The following BICDL1 variants were observed in gnomAD, a reference collection of about 807,000 sequenced individuals.
BICDL1 encodes the protein BICD family like cargo adaptor 1, also known as BICD family-like cargo adapter 1.
Under a neutral mutation model 76.8 loss-of-function variants are expected in BICDL1, and 20 were observed. That is an observed-to-expected ratio of 0.26 (90% CI 0.18 to 0.38). BICDL1 has a LOEUF of 0.38. BICDL1 is among the 10% of genes least tolerant of loss of function. BICDL1 has a pLI of 1.00. For missense variants in BICDL1, 700 were observed against 798.6 expected, an observed-to-expected ratio of 0.88 and a Z score of 1.49; for synonymous variants, 383 against 337.1, an observed-to-expected ratio of 1.14 and a Z score of -1.49.
At chr12:120,087,079 G>A (rs776992515) in intron 8 of BICDL1, among the ~76,000 whole-genome samples, 2 of 152,264 alleles carry the variant, frequency 1.3e-5, no homozygotes, top group Non-Finnish European at 2.9e-5. Flanking sequence ...GCCGGGGGAC[G>A]CCGGAAGCTC....
chr12:119,993,773 A>G (rs1488941303), intron 1 of BICDL1, among the ~76,000 whole-genome samples: 1 of 151,980 alleles, frequency 6.6e-6, no homozygotes, highest in Non-Finnish European at 1.5e-5. Context: ...ACCCACCATC[A>G]TGCCTGGCTA....
chr12:120,071,473 C>A lies in BICDL1; in HGVS notation c.910-149C>A. ...TTCTAGATCTGGATTTTGCTGAGTG[C>A]ATCTCCTGATGTAGTTTAACATGTT... On this transcript the variant is annotated intron_variant, in intron 4 of 9. Transcript: ENST00000548673. The surrounding 1 kb of genome is among the most constrained non-coding windows in gnomAD (Gnocchi z 4.8). The A allele has an allele frequency of 8.7e-7, 1 of 1,142,862 alleles. No homozygotes were observed. Among genetic ancestry groups the A allele is most frequent in the Non-Finnish European group, 1.2e-6 (1 of 849,298 alleles). 70.8% of individuals were successfully genotyped at this position (1,142,862 alleles called of 1,614,324 possible).
At chr12:119,993,000 C>G (rs1459887828) in intron 1 of BICDL1, 1 of 144,674 alleles carries the variant, frequency 6.9e-6, no homozygotes. Flanking sequence ...GTCGCCCAGT[C>G]TGGAGTGCAG....
intron 2 of BICDL1, among the ~76,000 whole-genome samples, chr12:120,010,924 T>C (rs965435647): frequency 8.5e-5 from 13 of 152,138 alleles, no homozygotes; most frequent in Non-Finnish European, 1.3e-4. Context: ...ATAAATGATA[T>C]TTACTGATTA....
chr12:120,088,191 C>T (rs1181495420), intron 8 of BICDL1, among the ~76,000 whole-genome samples: 1 of 152,162 alleles, frequency 6.6e-6, no homozygotes, highest in Non-Finnish European at 1.5e-5. Context: ...CTTGGCCTCC[C>T]AAAGTGCTGG....
At chr12:120,091,520 GACCGTGTGTTGGC>G in intron 9 of BICDL1, 1 of 983,290 alleles carries the variant, frequency 1.0e-6, no homozygotes. Context: ...TATAAGGAGG[GACCGTGTGTTGGC>G]AAATACCTGG....
chr12:120,048,256 A>G (rs900059269), intron 2 of BICDL1, among the ~76,000 whole-genome samples: 1 of 151,838 alleles, frequency 6.6e-6, no homozygotes, highest in Non-Finnish European at 1.5e-5. Flanking sequence ...TGCAGGCACG[A>G]TCATAGCTTG....
intron 9 of BICDL1, chr12:120,090,937 C>G: frequency 7.8e-7 from 1 of 1,288,970 alleles, no homozygotes; most frequent in Non-Finnish European, 1.0e-6. Flanking sequence ...TTTTTACTAT[C>G]TGGCTCCTTT....
chr12:120,078,697 G>A (rs1161029870), intron 7 of BICDL1, among the ~76,000 whole-genome samples: 1 of 152,214 alleles, frequency 6.6e-6, no homozygotes, highest in African/African-American at 2.4e-5. Flanking sequence ...CTCTCCTAAG[G>A]CACATGTCTG....
At chr12:120,026,090 G>A (rs1287820406) in intron 2 of BICDL1, among the ~76,000 whole-genome samples, 1 of 151,984 alleles carries the variant, frequency 6.6e-6, no homozygotes, top group Non-Finnish European at 1.5e-5. Flanking sequence ...CACCCACCTC[G>A]GCCTCCCAAA....
At chr12:120,013,155 A>C (rs1480730293) in intron 2 of BICDL1, among the ~76,000 whole-genome samples, 1 of 152,038 alleles carries the variant, frequency 6.6e-6, no homozygotes, top group Non-Finnish European at 1.5e-5. Context: ...TACTAAAAAT[A>C]CAAAAAAAAT....
At chr12:120,016,440 T>C (rs1449918794) in intron 2 of BICDL1, among the ~76,000 whole-genome samples, 1 of 145,590 alleles carries the variant, frequency 6.9e-6, no homozygotes, top group Admixed American at 6.8e-5. Context: ...TAACCTTTTT[T>C]TTTTTTTTTT....
At chr12:119,997,203 C>A (rs1235249291) in intron 1 of BICDL1, among the ~76,000 whole-genome samples, 1 of 152,176 alleles carries the variant, frequency 6.6e-6, no homozygotes, top group Non-Finnish European at 1.5e-5. Flanking sequence ...TCCTTAGCCT[C>A]CCAAAGTGCT....
In BICDL1 at chr12:119,989,494, G is replaced by A. The variant is rs1282595025; in HGVS notation, c.-375G>A. Among the ~76,000 whole-genome samples the A allele has an allele frequency of 7.2e-6, 1 of 138,146 alleles. No homozygotes were observed. The highest frequency in any genetic ancestry group is 2.3e-4 in the East Asian group (1 of 4,310). 90.6% of individuals were successfully genotyped at this position (138,146 alleles called of 152,430 possible). A position where few individuals can be genotyped will look rare whatever the true frequency, so the allele number is the denominator to read the frequency against. On this transcript the variant is annotated 5_prime_UTR_variant, in exon 1 of 10. Transcript: ENST00000548673. ...GCAGCAGCAGCGGCAGCGGCAACAG[G>A]GCGGCTGAGAACCCGGCGGCGGCGT...
At chr12:120,059,855 G>A (rs371494847) in intron 2 of BICDL1, among the ~76,000 whole-genome samples, 12 of 151,938 alleles carry the variant, frequency 7.9e-5, no homozygotes, top group East Asian at 7.7e-4. Context: ...TGGGACTGCA[G>A]GCACATACCA....
chr12:120,052,151 C>T (rs1440731155), intron 2 of BICDL1, among the ~76,000 whole-genome samples: 1 of 152,004 alleles, frequency 6.6e-6, no homozygotes, highest in Non-Finnish European at 1.5e-5. Context: ...ACTATGTTGG[C>T]CAGGCTGGTC....
chr12:120,034,832 A>G (rs961825004), intron 2 of BICDL1, among the ~76,000 whole-genome samples: 4 of 152,204 alleles, frequency 2.6e-5, no homozygotes, highest in Admixed American at 6.5e-5. Context: ...TTCACAACAC[A>G]GCTGATTGCC....
intron 2 of BICDL1, among the ~76,000 whole-genome samples, chr12:120,046,106 T>TCTC (rs1566240782): frequency 6.6e-6 from 1 of 152,068 alleles, no homozygotes; most frequent in Non-Finnish European, 1.5e-5. Context: ...TCATATCCAC[T>TCTC]CTCCCCCTTT....
intron 3 of BICDL1, among the ~76,000 whole-genome samples, chr12:120,063,061 ATTGT>A (rs1460171733): frequency 6.6e-6 from 1 of 152,170 alleles, no homozygotes; most frequent in Admixed American, 6.5e-5. Flanking sequence ...AAGCTATGAA[ATTGT>A]TTGTTTCAAG....
Sources: allele counts gnomAD v4.1 joint callset (sites outside exome capture counted in the v4.1 genomes callset), GRCh38; gene constraint gnomAD v4.1.1; non-coding constraint Gnocchi (gnomAD v3.1); transcripts MANE v1.5; gene names NCBI Gene and HGNC (gene_info 2026-07-23, HGNC 2026-07-21).